Variants in NEDD1 observed in about 807,000 individuals in gnomAD.
The protein encoded by NEDD1 is NEDD1 gamma-tubulin ring complex targeting factor.
Under a neutral mutation model 74.0 loss-of-function variants are expected in NEDD1, and 33 were observed. That is an observed-to-expected ratio of 0.45 (90% CI 0.34 to 0.60). The LOEUF (loss-of-function observed/expected upper bound fraction) is 0.60, where lower values mean the gene tolerates loss of function less well. Ranked by LOEUF, NEDD1 falls within the 20% of genes least tolerant of loss-of-function variation. The pLI is 0.01. For synonymous variants in NEDD1, 250 were observed against 264.4 expected, an observed-to-expected ratio of 0.95 and a Z score of 0.53; for missense variants, 746 against 776.5, an observed-to-expected ratio of 0.96 and a Z score of 0.47.
chr12:96,943,204 C>CAT (rs1158239551), intron 11 of NEDD1, among the ~76,000 whole-genome samples: 1 of 152,046 alleles, frequency 6.6e-6, no homozygotes, highest in Non-Finnish European at 1.5e-5. Context: ...TTCCAAGATA[C>CAT]ATACCACAGA....
At chr12:96,945,543 T>C (rs770630759) in intron 13 of NEDD1, 150 bp from the exon 14 acceptor site, 6 of 579,818 alleles carry the variant, frequency 1.0e-5, no homozygotes, top group African/African-American at 5.6e-5. Flanking sequence ...TTCTAAGATT[T>C]GTATTCCAGA....
intron 5 of NEDD1, among the ~76,000 whole-genome samples, chr12:96,918,650 A>G (rs1874729148): frequency 6.6e-6 from 1 of 152,274 alleles, no homozygotes; most frequent in South Asian, 2.1e-4. Context: ...TGGGAAATCT[A>G]ATCTTTTACC....
chr12:96,930,710 A>G (rs1876365324), intron 6 of NEDD1, among the ~76,000 whole-genome samples: 1 of 152,192 alleles, frequency 6.6e-6, no homozygotes, highest in Non-Finnish European at 1.5e-5. Flanking sequence ...GAGTTAAGGC[A>G]GTGGGACCCC....
chr12:96,924,764 G>A (rs1875509621), intron 6 of NEDD1: 1 of 423,450 alleles, frequency 2.4e-6, no homozygotes, highest in Non-Finnish European at 4.6e-6. Context: ...ATCTGTGAAT[G>A]ATAAGTTTTT....
chr12:96,937,135 A>G, intron 8 of NEDD1, 63 bp from the exon 9 acceptor site: 1 of 884,806 alleles, frequency 1.1e-6, no homozygotes, highest in Non-Finnish European at 1.6e-6. Context: ...GAATTTATAA[A>G]ATATTAATGT....
chr12:96,931,224 G>A (rs367623226), intron 6 of NEDD1, among the ~76,000 whole-genome samples: 1 of 152,126 alleles, frequency 6.6e-6, no homozygotes, highest in African/African-American at 2.4e-5. Context: ...AAAATGATGT[G>A]AATGTATGTT....
In NEDD1 at chr12:96,945,869, T is replaced by C; in HGVS notation, c.1811+20T>C. 2.0e-6 allele frequency: 3 copies of C among 1,519,710 alleles called. No homozygotes were observed. Among genetic ancestry groups the C allele is most frequent in the East Asian group, 2.3e-5 (1 of 44,398 alleles). The allele number at this position is 1,519,710 out of a possible 1,614,324, so 94.1% of individuals were successfully genotyped here. ...CTTTAGGTAGTAATTGAGAAACTACTCCTTCTATCTAGACCTTACTTGTTT... is the reference window on the plus strand; with the variant it reads ...CTTTAGGTAGTAATTGAGAAACTACCCCTTCTATCTAGACCTTACTTGTTT... On this transcript the variant is annotated intron_variant, in intron 14 of 15. Coordinates refer to ENST00000266742, the MANE Select transcript of NEDD1 (RefSeq NM_152905.4).
chr12:96,928,175 A>G (rs1875918574), intron 6 of NEDD1, among the ~76,000 whole-genome samples: 2 of 152,278 alleles, frequency 1.3e-5, no homozygotes, highest in South Asian at 2.1e-4. Flanking sequence ...TTCTGTCCAT[A>G]TAGTTATACT....
chr12:96,952,170 T>G lies in NEDD1; in HGVS notation c.*117T>G. 2 of 637,898 alleles carry G rather than the reference T, an allele frequency of 3.1e-6. No homozygotes were observed. Among genetic ancestry groups the G allele is most frequent in the Non-Finnish European group, 5.6e-6 (2 of 359,190 alleles). The allele number at this position is 637,898 out of a possible 1,614,324, so 39.5% of individuals were successfully genotyped here. On this transcript the variant is annotated 3_prime_UTR_variant, in exon 16 of 16. Transcript: ENST00000266742. ...GGAAAAAATGTTTTTCAAGTAAGAG[T>G]AAAAGGATGATGGGATTTTATACCA...
At chr12:96,909,706 C>T (rs1403287829) in intron 2 of NEDD1, 46 bp from the exon 3 acceptor site, 4 of 1,502,034 alleles carry the variant, frequency 2.7e-6, no homozygotes, top group Admixed American at 1.8e-5. Flanking sequence ...TTGAGTATGT[C>T]TATTCTTAAA....
intron 6 of NEDD1, among the ~76,000 whole-genome samples, chr12:96,933,082 C>G (rs1428714914): frequency 1.3e-5 from 2 of 149,510 alleles, no homozygotes; most frequent in Non-Finnish European, 3.0e-5. Context: ...TTGTCTTGAT[C>G]AAGAATACAT....
At chr12:96,931,579 A>AT (rs34446396) in intron 6 of NEDD1, among the ~76,000 whole-genome samples, 3 of 152,194 alleles carry the variant, frequency 2.0e-5, no homozygotes, top group Admixed American at 2.0e-4. Flanking sequence ...ATGAATTACA[A>AT]TTTTTTTCAT....
intron 6 of NEDD1, among the ~76,000 whole-genome samples, chr12:96,929,086 T>A (rs2136557041): frequency 6.6e-6 from 1 of 152,020 alleles, no homozygotes; most frequent in Non-Finnish European, 1.5e-5. Context: ...TCTCTTTGGA[T>A]TTTTTGTTGT....
chr12:96,922,050 CTGAA>C (rs1402194362), intron 6 of NEDD1, among the ~76,000 whole-genome samples: 1 of 152,232 alleles, frequency 6.6e-6, no homozygotes, highest in East Asian at 1.9e-4. Flanking sequence ...TGATGTAAGA[CTGAA>C]TGTCACACAA....
At chr12:96,917,856 A>G in intron 5 of NEDD1, 119 bp downstream of exon 5, 2 of 1,207,234 alleles carry the variant, frequency 1.7e-6, no homozygotes, top group South Asian at 2.0e-5. Context: ...GAATTGAACT[A>G]AGATTTGTTA....
intron 6 of NEDD1, chr12:96,924,836 C>G (rs745815626): frequency 2.2e-6 from 1 of 453,562 alleles, no homozygotes; most frequent in South Asian, 1.6e-5. Flanking sequence ...TGACTAGGCT[C>G]TCCAATCCAG....
At chr12:96,919,428 C>T (rs1874819014) in intron 5 of NEDD1, among the ~76,000 whole-genome samples, 1 of 152,178 alleles carries the variant, frequency 6.6e-6, no homozygotes, top group East Asian at 1.9e-4. Flanking sequence ...ATAAAGCTCC[C>T]AGCACTAGTA....
intron 14 of NEDD1, among the ~76,000 whole-genome samples, chr12:96,947,487 A>G (rs1878308504): frequency 6.6e-6 from 1 of 152,198 alleles, no homozygotes; most frequent in Non-Finnish European, 1.5e-5. Flanking sequence ...ACAGTTGTGA[A>G]GGTCTTAACA....
intron 9 of NEDD1, among the ~76,000 whole-genome samples, chr12:96,938,241 G>A (rs1468085081): frequency 6.6e-6 from 1 of 151,790 alleles, no homozygotes; most frequent in Admixed American, 6.6e-5. Context: ...TAAATTTCCT[G>A]TGAATATCTG....
Sources: gnomAD v4.1 joint callset for allele counts (sites outside exome capture counted in the v4.1 genomes callset) on GRCh38, gnomAD v4.1.1 for gene constraint, MANE v1.5 for transcripts, NCBI Gene and HGNC (gene_info 2026-07-23, HGNC 2026-07-21) for gene names.